The following STXBP4 variants were observed in gnomAD, a reference collection of about 807,000 sequenced individuals.
STXBP4 encodes syntaxin binding protein 4.
STXBP4 carries 55 observed loss-of-function variants against 76.1 expected under a neutral mutation model. The ratio of observed to expected loss-of-function variants is 0.72; its 90% CI spans 0.58 to 0.91. The LOEUF is 0.91. Ranked by LOEUF, STXBP4 falls within the 40% of genes least tolerant of loss-of-function variation. STXBP4 has a pLI of 0.00. For synonymous variants in STXBP4, 201 were observed against 220.2 expected, an observed-to-expected ratio of 0.91 and a Z score of 0.77; for missense variants, 618 against 636.9, an observed-to-expected ratio of 0.97 and a Z score of 0.32.
In STXBP4 at chr17:55,123,628, C is replaced by T. The variant is rs561606859; in HGVS notation, c.1490-17682C>T. On this transcript the variant is annotated intron_variant, in intron 16 of 17. Coordinates refer to ENST00000376352, the MANE Select transcript of STXBP4 (RefSeq NM_178509.6). ...CAAATAGAATAGGATGGGCCAGGTG[C>T]GGTGGCTCATGCCTGTAATCCCAGC... Among the ~76,000 whole-genome samples the T allele has an allele frequency of 1.4e-3, 210 of 152,236 alleles. 2 individuals are homozygous for T. The highest frequency in any genetic ancestry group is 2.4e-3 in the Non-Finnish European group (164 of 68,010).
intron 16 of STXBP4, among the ~76,000 whole-genome samples, chr17:55,135,508 T>C (rs945580767): frequency 1.3e-5 from 2 of 152,142 alleles, no homozygotes; most frequent in Non-Finnish European, 2.9e-5. Context: ...AGAAAATATA[T>C]ACATTTTTTC....
At chr17:55,133,817 G>A (rs60657151) in intron 16 of STXBP4, among the ~76,000 whole-genome samples, 29,746 of 152,130 alleles carry the variant, frequency 0.2, 3,228 homozygotes, top group Middle Eastern at 0.36. Context: ...CTGTTTTAGC[G>A]GCATAGGGCA....
chr17:54,998,216 A>G lies in STXBP4; in HGVS notation c.181-1129A>G, dbSNP rs377671903. On this transcript the variant is annotated intron_variant, in intron 4 of 17. Coordinates refer to ENST00000376352, the MANE Select transcript of STXBP4 (RefSeq NM_178509.6). ...GATCAGTATCCAAGGGATATATTTT[A>G]GTAGATAAGACTTTAAAGAAAGATG... Among the ~76,000 whole-genome samples, 44 of 152,332 alleles carry G rather than the reference A, an allele frequency of 2.9e-4. 1 individual carries two copies. Among genetic ancestry groups the G allele is most frequent in the Middle Eastern group, 6.8e-3 (2 of 294 alleles).
chr17:55,112,964 T>G (rs2079738577), intron 16 of STXBP4, among the ~76,000 whole-genome samples: 1 of 152,130 alleles, frequency 6.6e-6, no homozygotes, highest in Admixed American at 6.5e-5. Flanking sequence ...CGTAAACATT[T>G]GTGACTTTTA....
In STXBP4 at chr17:54,995,312, A is replaced by T. The variant is rs1472199811; in HGVS notation, c.181-4033A>T. On this transcript the variant is annotated intron_variant, in intron 4 of 17. Coordinates refer to ENST00000376352, the MANE Select transcript of STXBP4 (RefSeq NM_178509.6). ...GCCTTTGTGTCAGATTTCCGACAAC[A>T]CTTTAAAGTTCTCAAATGTTCATTT... Among the ~76,000 whole-genome samples the T allele has an allele frequency of 3.9e-5, 6 of 152,054 alleles. No homozygotes were observed. The East Asian group carries it at 1.2e-3, about 29-fold the overall frequency.
intron 16 of STXBP4, among the ~76,000 whole-genome samples, chr17:55,109,265 T>A (rs2079996300): frequency 6.6e-6 from 1 of 152,182 alleles, no homozygotes; most frequent in South Asian, 2.1e-4. Context: ...TTCAGAATAG[T>A]TGAGCAAAGG....
chr17:55,091,839 T>C (rs544713202), intron 16 of STXBP4, among the ~76,000 whole-genome samples: 1 of 152,340 alleles, frequency 6.6e-6, no homozygotes, highest in East Asian at 1.9e-4. Flanking sequence ...ACGCACAGAA[T>C]TGTTACAAAT....
chr17:55,031,112 A>T, intron 8 of STXBP4, 56 bp from the exon 9 acceptor site: 7 of 1,338,558 alleles, frequency 5.2e-6, no homozygotes, highest in Non-Finnish European at 7.4e-6. Context: ...TGTAATGAAA[A>T]GTTTTATTCT....
chr17:55,211,364 C>T, the STXBP4 span, among the ~76,000 whole-genome samples: 2 of 152,076 alleles, frequency 1.3e-5, no homozygotes, highest in African/African-American at 2.4e-5. Context: ...CTCAGCTTCC[C>T]GAGGAGCTAG....
At chr17:55,040,212 TG>T (rs896639819) in intron 10 of STXBP4, among the ~76,000 whole-genome samples, 2 of 152,178 alleles carry the variant, frequency 1.3e-5, no homozygotes, top group African/African-American at 4.8e-5. Context: ...AGAAAGTTGG[TG>T]GGGGCCATTT....
intron 16 of STXBP4, among the ~76,000 whole-genome samples, chr17:55,128,254 T>C (rs560897890): frequency 2.9e-4 from 44 of 151,146 alleles, no homozygotes; most frequent in African/African-American, 1.0e-3. Context: ...ACAGTAGACA[T>C]TCAACAAATG....
chr17:55,151,864 A>G (rs2145176909), intron 17 of STXBP4, among the ~76,000 whole-genome samples: 1 of 152,332 alleles, frequency 6.6e-6, no homozygotes, highest in East Asian at 1.9e-4. Context: ...TAGAAAATAA[A>G]CTAGTCAAAA....
At chr17:55,093,583 C>T (rs577325895) in intron 16 of STXBP4, among the ~76,000 whole-genome samples, 27 of 152,262 alleles carry the variant, frequency 1.8e-4, no homozygotes, top group African/African-American at 5.8e-4. Flanking sequence ...CACATATTCT[C>T]CTGTGTTGTT....
intron 17 of STXBP4, among the ~76,000 whole-genome samples, chr17:55,145,121 T>C (rs2080137799): frequency 6.6e-6 from 1 of 152,272 alleles, no homozygotes; most frequent in Non-Finnish European, 1.5e-5. Context: ...AAGTAAAGTT[T>C]GCATAAGCAG....
chr17:55,018,403 C>G (rs1310566172), intron 8 of STXBP4, among the ~76,000 whole-genome samples: 1 of 152,082 alleles, frequency 6.6e-6, no homozygotes, highest in Non-Finnish European at 1.5e-5. Flanking sequence ...TCAGCTCCAG[C>G]CATAACAAAC....
chr17:55,011,436 G>C (rs1024464040), intron 8 of STXBP4, among the ~76,000 whole-genome samples: 1 of 146,364 alleles, frequency 6.8e-6, no homozygotes, highest in Non-Finnish European at 1.5e-5. Context: ...TTTTGAGTTC[G>C]TCATTTCTGT....
chr17:55,075,072 C>G (rs2079164229), intron 13 of STXBP4, among the ~76,000 whole-genome samples: 1 of 150,960 alleles, frequency 6.6e-6, no homozygotes, highest in African/African-American at 2.4e-5. Flanking sequence ...AGTTTTTATT[C>G]ACCTTCAACA....
chr17:55,141,357 T>C lies in STXBP4; in HGVS notation c.1537T>C (p.Tyr513His), dbSNP rs1348331111. ...EEAYTADGIKYFINHVTQTTS... is the reference protein window; with the variant it reads ...EEAYTADGIKHFINHVTQTTS... ...AGCTTACACAGCAGATGGAATCAAG[T>C]ACTTCATCAAGTAAGTACAAGCATC... is the stretch of plus-strand genomic sequence containing the variant. Residue 513 changes from tyrosine to histidine, a missense_variant, in exon 17 of 18, where the codon TAC becomes CAC. Physicochemically the swap from Tyr to His is moderately conservative, Grantham distance 83 (BLOSUM62 2). Transcript: ENST00000376352. 3 of 1,612,098 alleles carry C rather than the reference T, an allele frequency of 1.9e-6. No homozygotes were observed. The highest frequency in any genetic ancestry group is 2.7e-5 in the African/African-American group (2 of 74,960).
At chr17:55,027,005 G>A (rs888783680) in intron 8 of STXBP4, among the ~76,000 whole-genome samples, 1 of 152,084 alleles carries the variant, frequency 6.6e-6, no homozygotes, top group African/African-American at 2.4e-5. Context: ...CTGAAATTTA[G>A]CTAGCTGCTG....
Sources: gnomAD v4.1 joint callset for allele counts (sites outside exome capture counted in the v4.1 genomes callset) on GRCh38, gnomAD v4.1.1 for gene constraint, MANE v1.5 for transcripts, NCBI Gene and HGNC (gene_info 2026-07-23, HGNC 2026-07-21) for gene names.